Variants in FHOD3 observed in about 807,000 individuals in gnomAD.
The protein encoded by FHOD3 is formin homology 2 domain containing 3, also known as FH1/FH2 domain-containing protein 3.
Under a neutral mutation model 173.0 loss-of-function variants are expected in FHOD3, and 90 were observed. That is an observed-to-expected ratio of 0.52 (90% CI 0.44 to 0.62). The LOEUF (loss-of-function observed/expected upper bound fraction) is 0.62, where lower values mean the gene tolerates loss of function less well. Ranked by LOEUF, FHOD3 falls within the 20% of genes least tolerant of loss-of-function variation. The pLI, the probability that FHOD3 is intolerant of heterozygous loss-of-function variation, is 0.00. For synonymous variants in FHOD3, 828 were observed against 823.0 expected (o/e 1.01, Z -0.10); for missense variants, 1,945 against 2,034.7 (o/e 0.96, Z 0.85).
chr18:36,426,758 TGTAA>T (rs2050269598), intron 3 of FHOD3, among the ~76,000 whole-genome samples: 1 of 152,258 alleles, frequency 6.6e-6, no homozygotes, highest in African/African-American at 2.4e-5. Flanking sequence ...ATGAGTTTAG[TGTAA>T]GTGTTTTTAC....
intron 25 of FHOD3, 102 bp from the exon 26 acceptor site, chr18:36,759,016 G>C: frequency 7.6e-7 from 1 of 1,311,158 alleles, no homozygotes. Context: ...TTATTTACTT[G>C]GAATTTTATG....
chr18:36,489,870 G>T (rs1016800208), intron 3 of FHOD3, among the ~76,000 whole-genome samples: 3 of 152,150 alleles, frequency 2.0e-5, no homozygotes, highest in African/African-American at 7.2e-5. Context: ...GAGGGAGAAG[G>T]GAGGAGGGCG....
intron 5 of FHOD3, among the ~76,000 whole-genome samples, chr18:36,523,211 C>A (rs1179468847): frequency 1.3e-5 from 2 of 152,124 alleles, no homozygotes; most frequent in African/African-American, 2.4e-5. Context: ...TGGCCTTGAG[C>A]TGGGCTTGAG....
chr18:36,726,570 C>T (rs2041082661), intron 19 of FHOD3, among the ~76,000 whole-genome samples: 1 of 152,174 alleles, frequency 6.6e-6, no homozygotes, highest in African/African-American at 2.4e-5. Flanking sequence ...GCTTTATATC[C>T]TCTTCCCATC....
At chr18:36,621,451 G>T (rs2033698689) in intron 9 of FHOD3, among the ~76,000 whole-genome samples, 1 of 152,206 alleles carries the variant, frequency 6.6e-6, no homozygotes, top group Non-Finnish European at 1.5e-5. Context: ...TCACTCAGCT[G>T]CAGTTATCTA....
chr18:36,336,298 G>A (rs2045305759), intron 1 of FHOD3, among the ~76,000 whole-genome samples: 1 of 152,154 alleles, frequency 6.6e-6, no homozygotes, highest in African/African-American at 2.4e-5. Context: ...GTCACTGCCT[G>A]TGACCAAAAG....
chr18:36,465,376 A>G (rs1260706414), intron 3 of FHOD3, among the ~76,000 whole-genome samples: 1 of 152,134 alleles, frequency 6.6e-6, no homozygotes, highest in Non-Finnish European at 1.5e-5. Context: ...AGCACAAGCA[A>G]TGATGTTCGT....
chr18:36,745,783 C>G (rs1378499883), intron 23 of FHOD3, among the ~76,000 whole-genome samples: 1 of 147,962 alleles, frequency 6.8e-6, no homozygotes, highest in Non-Finnish European at 1.5e-5. Context: ...TGCCACTCAT[C>G]CCCCCACCTG....
At chr18:36,682,644 G>A (rs1028295935) in intron 15 of FHOD3, among the ~76,000 whole-genome samples, 5 of 152,094 alleles carry the variant, frequency 3.3e-5, no homozygotes, top group East Asian at 1.9e-4. Flanking sequence ...GTACAGTGGC[G>A]CAATCTTGGC....
At chr18:36,575,480 A>C (rs759942585) in intron 5 of FHOD3, among the ~76,000 whole-genome samples, 6 of 152,248 alleles carry the variant, frequency 3.9e-5, no homozygotes, top group Admixed American at 2.6e-4. Flanking sequence ...AAATACATCA[A>C]TATTTTAAGA....
chr18:36,773,352 C>T (rs927929862), intron 28 of FHOD3, among the ~76,000 whole-genome samples: 51 of 152,274 alleles, frequency 3.3e-4, no homozygotes, highest in African/African-American at 9.4e-4. Flanking sequence ...CCTCTGAGAG[C>T]CTTTTTGAGG....
intron 2 of FHOD3, among the ~76,000 whole-genome samples, chr18:36,360,110 A>G (rs929473810): frequency 1.3e-5 from 2 of 152,304 alleles, no homozygotes; most frequent in South Asian, 2.1e-4. Flanking sequence ...AAGGAAACCA[A>G]TGCCAGCCTG....
chr18:36,360,456 G>T (rs1178930991), intron 2 of FHOD3, among the ~76,000 whole-genome samples: 1 of 152,206 alleles, frequency 6.6e-6, no homozygotes, highest in African/African-American at 2.4e-5. Context: ...TGCCAAGGGG[G>T]CTGGTAGTCC....
At chr18:36,553,245 A>G (rs1599629441) in intron 5 of FHOD3, among the ~76,000 whole-genome samples, 2 of 152,212 alleles carry the variant, frequency 1.3e-5, no homozygotes, top group South Asian at 2.1e-4. Flanking sequence ...GGATTTTAGC[A>G]TTGATGTTCA....
intron 3 of FHOD3, among the ~76,000 whole-genome samples, chr18:36,384,687 A>G (rs1005521918): frequency 1.3e-5 from 2 of 152,240 alleles, no homozygotes; most frequent in African/African-American, 2.4e-5. Context: ...GAATAAGCCA[A>G]TATGTGTTTT....
At chr18:36,773,381 T>A (rs757002957) in intron 28 of FHOD3, among the ~76,000 whole-genome samples, 1 of 152,180 alleles carries the variant, frequency 6.6e-6, no homozygotes, top group Non-Finnish European at 1.5e-5. Context: ...AGGGTTCCCA[T>A]GGTGGTACTC....
At chr18:36,698,654 A>T (rs1223739201) in intron 17 of FHOD3, among the ~76,000 whole-genome samples, 1 of 152,216 alleles carries the variant, frequency 6.6e-6, no homozygotes, top group Non-Finnish European at 1.5e-5. Flanking sequence ...GGCAGCTATT[A>T]GGTGTCAAGA....
intron 17 of FHOD3, among the ~76,000 whole-genome samples, chr18:36,702,951 G>A (rs993247971): frequency 3.4e-4 from 52 of 152,290 alleles, no homozygotes; most frequent in Middle Eastern, 6.8e-3. Context: ...GCCAATCCAG[G>A]TTCAAATGCA....
chr18:36,513,693 A>G (rs908448618), intron 5 of FHOD3, among the ~76,000 whole-genome samples: 4 of 152,046 alleles, frequency 2.6e-5, no homozygotes, highest in African/African-American at 4.8e-5. Flanking sequence ...TTTCCAGCCA[A>G]TCAGAGCCTT....
Sources: allele counts gnomAD v4.1 joint callset (sites outside exome capture counted in the v4.1 genomes callset), GRCh38; gene constraint gnomAD v4.1.1; transcripts MANE v1.5; gene names NCBI Gene and HGNC (gene_info 2026-07-23, HGNC 2026-07-21).